PRICKLE2: variants seen among roughly 807,000 people sequenced by gnomAD.
PRICKLE2 encodes the protein prickle-like protein 2.
Under a neutral mutation model 81.4 loss-of-function variants are expected in PRICKLE2, and 21 were observed. The observed-to-expected ratio is 0.26, with a 90% CI of 0.18 to 0.37. PRICKLE2 has a LOEUF of 0.37. Ranked by LOEUF, PRICKLE2 falls within the 10% of genes least tolerant of loss-of-function variation. The pLI, the probability that PRICKLE2 is intolerant of heterozygous loss-of-function variation, is 1.00. For missense variants in PRICKLE2, 940 were observed against 1,109.0 expected, an observed-to-expected ratio of 0.85 and a Z score of 2.16; for synonymous variants, 456 against 421.5, an observed-to-expected ratio of 1.08 and a Z score of -1.00.
intron 7 of PRICKLE2, among the ~76,000 whole-genome samples, chr3:64,121,293 G>T (rs1388855529): frequency 6.6e-6 from 1 of 152,078 alleles, no homozygotes; most frequent in Non-Finnish European, 1.5e-5. Flanking sequence ...AATTTCTACG[G>T]CACTTCTCAA....
chr3:64,143,824 T>C (rs1036596038), intron 7 of PRICKLE2, among the ~76,000 whole-genome samples: 1 of 152,238 alleles, frequency 6.6e-6, no homozygotes, highest in Non-Finnish European at 1.5e-5. Context: ...GCTGTCCTCT[T>C]AAATAATTAT....
intron 2 of PRICKLE2, among the ~76,000 whole-genome samples, chr3:64,170,455 G>C (rs940934504): frequency 1.3e-5 from 2 of 152,106 alleles, no homozygotes; most frequent in Non-Finnish European, 2.9e-5. Context: ...CTATTGCTGT[G>C]GCTACTTCTG....
chr3:64,188,091 C>T (rs750523399), intron 2 of PRICKLE2, among the ~76,000 whole-genome samples: 2 of 152,218 alleles, frequency 1.3e-5, no homozygotes, highest in African/African-American at 2.4e-5. Context: ...CACCCTTCAT[C>T]CGTATCTGCA....
In PRICKLE2 at chr3:64,099,922, A is replaced by G; in HGVS notation, c.1664T>C (p.Leu555Pro). Reference sequence around the variant, plus strand: ...GCGCTTGGCACCACCATCAGCAGAGAGGCCTGGGGAAGAGAGGAGGGGACC... The same window carrying G: ...GCGCTTGGCACCACCATCAGCAGAGGGGCCTGGGGAAGAGAGGAGGGGACC... The part of the protein sequence containing the change: ...ESLALSNATG[L>P]SADGGAKRQE... Residue 555 changes from leucine (L) to proline (P), a missense_variant, in exon 8 of 8, where the codon CTC becomes CCC. Physicochemically the swap from Leu to Pro is moderately conservative, Grantham distance 98 (BLOSUM62 -3). Coordinates refer to ENST00000638394, the MANE Select transcript of PRICKLE2 (RefSeq NM_198859.4). The surrounding 1 kb of genome is among the most constrained non-coding windows in gnomAD (Gnocchi z 4.3). 1 of 1,614,076 alleles carries G rather than the reference A, an allele frequency of 6.2e-7. No individual in the cohort carries two copies. The highest frequency in any genetic ancestry group is 8.5e-7 in the Non-Finnish European group (1 of 1,180,010).
rs556275295 is a variant in PRICKLE2 at position 64,166,626 on chromosome 3, C to T, written c.145-3497G>A. 2.2e-4 allele frequency among the ~76,000 whole-genome samples: 33 copies of T among 152,264 alleles called. 1 individual carries two copies. The highest frequency in any genetic ancestry group is 6.7e-4 in the African/African-American group (28 of 41,538). ...AGTAATTCCTCAAATATACAATATG[C>T]TAGAATATCTTCTCACAAGGTAACT... On this transcript the variant is annotated intron_variant, in intron 2 of 7. Transcript: ENST00000638394.
intron 2 of PRICKLE2, among the ~76,000 whole-genome samples, chr3:64,258,870 A>AAAG (rs2079572458): frequency 6.7e-6 from 1 of 149,706 alleles, no homozygotes; most frequent in African/African-American, 2.5e-5. Flanking sequence ...AGAAAGAAAG[A>AAAG]AAGAAAGAAA....
At chr3:64,240,647 A>G (rs2079250660) in intron 2 of PRICKLE2, among the ~76,000 whole-genome samples, 1 of 152,102 alleles carries the variant, frequency 6.6e-6, no homozygotes, top group Admixed American at 6.5e-5. Context: ...GATCTCCCCC[A>G]CAGCATGGAA....
chr3:64,243,630 C>A (rs1379406167), intron 2 of PRICKLE2, among the ~76,000 whole-genome samples: 1 of 152,152 alleles, frequency 6.6e-6, no homozygotes, highest in Non-Finnish European at 1.5e-5. Flanking sequence ...AAAATGGGGA[C>A]AGATAATAGT....
Position 64,094,168 on chromosome 3 carries a change from C to G in PRICKLE2, c.*4883G>C, listed in dbSNP as rs951802450. On this transcript the variant is annotated 3_prime_UTR_variant, in exon 8 of 8. Coordinates refer to ENST00000638394, the MANE Select transcript of PRICKLE2 (RefSeq NM_198859.4). The stretch of plus-strand genomic sequence containing the variant: ...AAAGAATGAGTTTAGGAGAGGAAAA[C>G]CTGCCGAAGTCCTAATTTGCTAAAA... 5 of 152,048 alleles carry G rather than the reference C, an allele frequency of 3.3e-5. No homozygotes were observed. Among genetic ancestry groups the G allele is most frequent in the Non-Finnish European group, 7.4e-5 (5 of 68,004 alleles). The allele number at this position is 152,048 out of a possible 1,614,324, so 9.4% of individuals were successfully genotyped here. A position where few individuals can be genotyped will look rare whatever the true frequency, so the allele number is the denominator to read the frequency against.
At chr3:64,152,896 C>T (rs1268544714) in intron 6 of PRICKLE2, among the ~76,000 whole-genome samples, 2 of 152,086 alleles carry the variant, frequency 1.3e-5, no homozygotes, top group Non-Finnish European at 2.9e-5. Context: ...TGAGTCATCT[C>T]GACCATTAGG....
intron 1 of PRICKLE2, among the ~76,000 whole-genome samples, chr3:64,215,613 A>C (rs1397483847): frequency 6.6e-6 from 1 of 152,206 alleles, no homozygotes; most frequent in African/African-American, 2.4e-5. Context: ...TTATTTTTTT[A>C]CAATAACTGA....
Position 64,147,016 on chromosome 3 carries a change from T to C in PRICKLE2, c.1474A>G (p.Ser492Gly), listed in dbSNP as rs899924812. The C allele has an allele frequency of 6.2e-7, 1 of 1,614,146 alleles. No individual in the cohort carries two copies. The highest frequency in any genetic ancestry group is 8.5e-7 in the Non-Finnish European group (1 of 1,180,020). Residue 492 changes from serine to glycine, a missense_variant, in exon 7 of 8, where the codon AGT (serine) becomes GGT (glycine). Coordinates refer to ENST00000638394, the MANE Select transcript of PRICKLE2 (RefSeq NM_198859.4). This position sits in a 1 kb window ranked among gnomAD's most constrained non-coding sequence, Gnocchi z 5.0. ...ACTTGGATGCTGCCTCGGGTCTCAC[T>C]GAAACTCTGACTAGACATATCACTG... ...SYSDMSSQSFSETRGSIQVPK... is the reference protein window; with the variant it reads ...SYSDMSSQSFGETRGSIQVPK...
intron 7 of PRICKLE2, among the ~76,000 whole-genome samples, chr3:64,111,082 C>G (rs1400197939): frequency 1.3e-5 from 2 of 151,738 alleles, no homozygotes; most frequent in Non-Finnish European, 2.9e-5. Context: ...CCTTCCAGTT[C>G]TGTCCCTTGA....
chr3:64,252,903 T>C (rs967023931), intron 2 of PRICKLE2, among the ~76,000 whole-genome samples: 2 of 152,278 alleles, frequency 1.3e-5, no homozygotes, highest in East Asian at 1.9e-4. Flanking sequence ...CAAAAGTAAA[T>C]GGGCATGGAT....
chr3:64,256,376 T>C (rs930462189), intron 2 of PRICKLE2, among the ~76,000 whole-genome samples: 3 of 152,236 alleles, frequency 2.0e-5, no homozygotes, highest in Non-Finnish European at 2.9e-5. Context: ...ATTATTATCA[T>C]TGTATTTTAA....
intron 7 of PRICKLE2, among the ~76,000 whole-genome samples, chr3:64,140,366 T>C (rs58093271): frequency 6.6e-6 from 1 of 152,188 alleles, no homozygotes. Flanking sequence ...ATCAAAAAAA[T>C]AAACAGAAAC....
In PRICKLE2 at chr3:64,232,186, G is replaced by C. The variant is rs73126899; in HGVS notation, c.129-33219C>G. ...TGGTTAGTTATGATGATCCATCCTTGGTCAATGTTAACGATTATGTGATTA... is the reference window on the plus strand; with the variant it reads ...TGGTTAGTTATGATGATCCATCCTTCGTCAATGTTAACGATTATGTGATTA... On this transcript the variant is annotated intron_variant, in intron 2 of 8. Coordinates refer to the PRICKLE2 transcript ENST00000295902. Among the ~76,000 whole-genome samples, 682 of 152,144 alleles carry C rather than the reference G, an allele frequency of 4.5e-3. 3 individuals are homozygous for C. Among genetic ancestry groups the C allele is most frequent in the South Asian group, 0.015 (74 of 4,812 alleles).
chr3:64,108,235 G>C (rs1438516656), intron 7 of PRICKLE2, among the ~76,000 whole-genome samples: 2 of 152,202 alleles, frequency 1.3e-5, no homozygotes, highest in Non-Finnish European at 2.9e-5. Flanking sequence ...GCTGCGGCAA[G>C]CCTGAACAGC....
chr3:64,219,252 A>G (rs1575680691), intron 1 of PRICKLE2, among the ~76,000 whole-genome samples: 1 of 152,340 alleles, frequency 6.6e-6, no homozygotes, highest in East Asian at 1.9e-4. Context: ...TCATGGCTGG[A>G]AGACAACATA....
Sources: allele counts gnomAD v4.1 joint callset (sites outside exome capture counted in the v4.1 genomes callset), GRCh38; gene constraint gnomAD v4.1.1; non-coding constraint Gnocchi (gnomAD v3.1); transcripts MANE v1.5; gene names NCBI Gene and HGNC (gene_info 2026-07-23, HGNC 2026-07-21).